DYNC2H1: variants seen among roughly 807,000 people sequenced by gnomAD.
The protein encoded by DYNC2H1 is cytoplasmic dynein 2 heavy chain 1.
A neutral mutation model predicts 570.0 loss-of-function variants in DYNC2H1; 410 were observed. The ratio of observed to expected loss-of-function variants is 0.72; its 90% CI spans 0.66 to 0.78. The LOEUF is 0.78. Ranked by LOEUF, DYNC2H1 falls within the 30% of genes least tolerant of loss-of-function variation. DYNC2H1 has a pLI of 0.00. For synonymous variants in DYNC2H1, 1,688 were observed against 1,677.6 expected, an observed-to-expected ratio of 1.01 and a Z score of -0.15; for missense variants, 4,865 against 5,046.4, an observed-to-expected ratio of 0.96 and a Z score of 1.09.
intron 84 of DYNC2H1, among the ~76,000 whole-genome samples, chr11:103,414,297 A>G (rs562907052): frequency 2.6e-5 from 4 of 152,222 alleles, no homozygotes; most frequent in Non-Finnish European, 5.9e-5. Flanking sequence ...AAATTCAACA[A>G]CTTAGGTGAA....
At chr11:103,176,540 T>C (rs944954135) in intron 37 of DYNC2H1, 106 bp downstream of exon 37, 20 of 908,974 alleles carry the variant, frequency 2.2e-5, no homozygotes, top group Non-Finnish European at 2.9e-5. Flanking sequence ...TCTTTCAACT[T>C]AGATCTCACT....
At position 103,319,893 on chromosome 11, in the gene DYNC2H1, A is replaced by G. The variant is rs1010210006; in HGVS notation, c.11726-1136A>G. Among the ~76,000 whole-genome samples the G allele has an allele frequency of 6.6e-6, 1 of 152,140 alleles. No homozygotes were observed. The highest frequency in any genetic ancestry group is 2.1e-4 in the South Asian group (1 of 4,824). ...GAAGTCCTTTGTTTAGTCACTGTTG[A>G]CTATAAGATGTAGGCAGATAACAAC... is the stretch of plus-strand genomic sequence containing the variant. On this transcript the variant is annotated intron_variant, in intron 80 of 88. Transcript: ENST00000375735. This position sits in a 1 kb window ranked among gnomAD's most constrained non-coding sequence, Gnocchi z 4.3.
intron 88 of DYNC2H1, among the ~76,000 whole-genome samples, chr11:103,470,546 A>G (rs552617563): frequency 6.6e-6 from 1 of 152,198 alleles, no homozygotes; most frequent in African/African-American, 2.4e-5. Context: ...AGCATTAGGT[A>G]TATCTCCTAA....
intron 83 of DYNC2H1, among the ~76,000 whole-genome samples, chr11:103,383,231 C>G (rs1255302542): frequency 6.6e-6 from 1 of 152,176 alleles, no homozygotes; most frequent in Admixed American, 6.5e-5. Flanking sequence ...TCCTTTTCCT[C>G]TATTCCTGCT....
chr11:103,378,077 G>A (rs1591650928), intron 83 of DYNC2H1, among the ~76,000 whole-genome samples: 1 of 152,102 alleles, frequency 6.6e-6, no homozygotes, highest in Admixed American at 6.5e-5. Context: ...ATGTGCACAT[G>A]CAGTCCAAAA....
intron 85 of DYNC2H1, among the ~76,000 whole-genome samples, chr11:103,448,226 C>A (rs779642843): frequency 3.9e-5 from 6 of 152,050 alleles, no homozygotes; most frequent in African/African-American, 7.2e-5. Context: ...ACTACATTAT[C>A]TACAGTGCTT....
rs3906624 is a variant in DYNC2H1 at position 103,307,413 on chromosome 11, T to C, written c.11383-308T>C. On this transcript the variant is annotated intron_variant, in intron 77 of 88. Transcript: ENST00000375735. ...TGTTTTAGTGTCTTAAACAATTCTT[T>C]GTGATAGGTGCTATTATTATCCTTG... is the stretch of plus-strand genomic sequence containing the variant. 0.17 allele frequency among the ~76,000 whole-genome samples: 26,275 copies of C among 152,062 alleles called. 2,457 individuals are homozygous for C. Among genetic ancestry groups the C allele is most frequent in the Admixed American group, 0.26 (3,971 of 15,274 alleles).
intron 30 of DYNC2H1, among the ~76,000 whole-genome samples, chr11:103,165,510 C>T (rs1371566492): frequency 6.6e-6 from 1 of 152,164 alleles, no homozygotes; most frequent in Non-Finnish European, 1.5e-5. Flanking sequence ...TTTTGAAATG[C>T]TAAAGATTGC....
chr11:103,393,856 CAAAG>C (rs765469664), intron 83 of DYNC2H1, among the ~76,000 whole-genome samples: 3 of 152,118 alleles, frequency 2.0e-5, no homozygotes, highest in South Asian at 2.1e-4. Flanking sequence ...TGCGGGCAGG[CAAAG>C]AGAGAGAGCT....
chr11:103,367,368 A>G (rs553661972), intron 83 of DYNC2H1, among the ~76,000 whole-genome samples: 214 of 152,272 alleles, frequency 1.4e-3, no homozygotes, highest in Admixed American at 3.3e-3. Flanking sequence ...ATCATCTAGG[A>G]CACCTACTCC....
chr11:103,155,473 C>T lies in DYNC2H1; in HGVS notation c.3716C>T (p.Thr1239Ile). ...GGTGATTTGCTCAGAGTAGCTGATA[C>T]AATTGTAGCCAAAGCTGCCGACCTT... is the stretch of plus-strand genomic sequence containing the variant. ...LFGDLLRVAD[T>I]IVAKAADLKD... The change falls in exon 25 of 89, where the codon ACA becomes ATA. Residue 1239 changes from threonine (T) to isoleucine (I), a missense_variant. Physicochemically the swap from Thr to Ile is moderately conservative, Grantham distance 89 (BLOSUM62 -1). Around this residue, in one of 5 missense-constraint regions of DYNC2H1, gnomAD observed 1,936 missense variants for 1,962.1 expected, o/e 0.99. Coordinates refer to ENST00000375735, the MANE Select transcript of DYNC2H1 (RefSeq NM_001377.3). 6.8e-6 allele frequency: 11 copies of T among 1,610,126 alleles called. No individual in the cohort carries two copies. The highest frequency in any genetic ancestry group is 9.3e-6 in the Non-Finnish European group (11 of 1,178,328).
chr11:103,413,264 T>C (rs1943154819), intron 84 of DYNC2H1, among the ~76,000 whole-genome samples: 1 of 152,224 alleles, frequency 6.6e-6, no homozygotes, highest in South Asian at 2.1e-4. Context: ...TTTTATTGTT[T>C]ACTTGCCTGC....
At chr11:103,237,994 AATC>A (rs1864285590) in intron 63 of DYNC2H1, among the ~76,000 whole-genome samples, 1 of 152,140 alleles carries the variant, frequency 6.6e-6, no homozygotes, top group African/African-American at 2.4e-5. Context: ...ACAAAACAAA[AATC>A]ATTGGAAACA....
At chr11:103,331,844 G>A (rs1477168158) in intron 82 of DYNC2H1, among the ~76,000 whole-genome samples, 1 of 152,094 alleles carries the variant, frequency 6.6e-6, no homozygotes, top group African/African-American at 2.4e-5. Context: ...GGCAGATCAC[G>A]AGGTCAGGAG....
In DYNC2H1 at chr11:103,203,794, C is replaced by G; in HGVS notation, c.8311+18C>G. 1 of 1,517,316 alleles carries G rather than the reference C, an allele frequency of 6.6e-7. No individual in the cohort carries two copies. The highest frequency in any genetic ancestry group is 2.3e-5 in the East Asian group (1 of 44,152). 94.0% of individuals were successfully genotyped at this position (1,517,316 alleles called of 1,614,324 possible). On this transcript the variant is annotated intron_variant, in intron 51 of 88. Coordinates refer to ENST00000375735, the MANE Select transcript of DYNC2H1 (RefSeq NM_001377.3). This position sits in a 1 kb window ranked among gnomAD's most constrained non-coding sequence, Gnocchi z 4.7. The stretch of plus-strand genomic sequence containing the variant: ...CACATATAGTAAGTGACATAGAATT[C>G]ATTAATCAAATCAAACTGGTTTGTA...
chr11:103,472,350 C>A lies in DYNC2H1; in HGVS notation c.12765+3645C>A, dbSNP rs1182645883. Among the ~76,000 whole-genome samples, 1 of 147,756 alleles carries A rather than the reference C, an allele frequency of 6.8e-6. No homozygotes were observed. The highest frequency in any genetic ancestry group is 1.5e-5 in the Non-Finnish European group (1 of 67,200). On this transcript the variant is annotated intron_variant, in intron 88 of 88. Coordinates refer to ENST00000375735, the MANE Select transcript of DYNC2H1 (RefSeq NM_001377.3). The surrounding 1 kb of genome is among the most constrained non-coding windows in gnomAD (Gnocchi z 4.1). ...GCCTGGCTTGGGCAACATAGCAAGA[C>A]CCCATCTTTATTAAATAAAAAAAGA...
At chr11:103,392,834 ATGT>A (rs1942221931) in intron 83 of DYNC2H1, among the ~76,000 whole-genome samples, 1 of 151,552 alleles carries the variant, frequency 6.6e-6, no homozygotes, top group Non-Finnish European at 1.5e-5. Flanking sequence ...ATGATATTGT[ATGT>A]TATTCTTCAT....
rs922766090 is a variant in DYNC2H1 at position 103,446,289 on chromosome 11, T to C, written c.12457-8897T>C. 2.0e-5 allele frequency among the ~76,000 whole-genome samples: 3 copies of C among 152,174 alleles called. No homozygotes were observed. Among genetic ancestry groups the C allele is most frequent in the Non-Finnish European group, 4.4e-5 (3 of 68,020 alleles). On this transcript the variant is annotated intron_variant, in intron 85 of 88. Coordinates refer to ENST00000375735, the MANE Select transcript of DYNC2H1 (RefSeq NM_001377.3). The surrounding 1 kb of genome is among the most constrained non-coding windows in gnomAD (Gnocchi z 4.5). Reference sequence around the variant, plus strand: ...GCACTGGTGCACTTCAATATTGAGATGTTTAGAAAAGGAAAAGTTGTCCAT... The same window carrying C: ...GCACTGGTGCACTTCAATATTGAGACGTTTAGAAAAGGAAAAGTTGTCCAT...
chr11:103,327,645 AG>A (rs1354805827), intron 82 of DYNC2H1, among the ~76,000 whole-genome samples: 1 of 152,180 alleles, frequency 6.6e-6, no homozygotes, highest in Non-Finnish European at 1.5e-5. Context: ...GAGCAGATAC[AG>A]CCTTAGAGAC....
Sources: allele counts gnomAD v4.1 joint callset (sites outside exome capture counted in the v4.1 genomes callset), GRCh38; gene constraint gnomAD v4.1.1; regional missense constraint gnomAD v4.1.1; non-coding constraint Gnocchi (gnomAD v3.1); transcripts MANE v1.5; gene names NCBI Gene and HGNC (gene_info 2026-07-23, HGNC 2026-07-21).